The following SORL1 variants were observed in gnomAD, a reference collection of about 807,000 sequenced individuals.
The protein encoded by SORL1 is sortilin related receptor 1, also known as sortilin-related receptor.
In SORL1, 127 loss-of-function variants were observed where a neutral mutation model predicts 273.7. The ratio of observed to expected loss-of-function variants is 0.46; its 90% CI spans 0.40 to 0.54. SORL1 has a LOEUF of 0.54. Among genes scored for constraint, SORL1 ranks in the 20% least tolerant of loss-of-function variants. The pLI, the probability that SORL1 is intolerant of heterozygous loss-of-function variation, is 0.00. For missense variants in SORL1, 2,494 were observed against 2,846.1 expected (o/e 0.88, Z 2.81); for synonymous variants, 1,031 against 1,067.4 (o/e 0.97, Z 0.66).
chr11:121,532,545 G>A lies in SORL1; in HGVS notation c.1678G>A (p.Glu560Lys), dbSNP rs150303243. 206 of 1,613,966 alleles carry A rather than the reference G, an allele frequency of 1.3e-4. No individual in the cohort carries two copies. The highest frequency in any genetic ancestry group is 1.6e-4 in the Non-Finnish European group (194 of 1,179,860). ...TAIAQGMETN[E>K]LKYSTNEGET... ...CATTGCCCAGGGCATGGAAACCAAC[G>A]AGCTAAAGTAAGTGTCTCTGATGAG... The change falls in exon 12 of 48, where the codon GAG (glutamate) becomes AAG (lysine). Residue 560 changes from glutamate to lysine, a missense_variant. By Grantham distance (56) the Glu-to-Lys change is moderately conservative. Transcript: ENST00000260197.
intron 12 of SORL1, among the ~76,000 whole-genome samples, chr11:121,537,801 T>A (rs569994170): frequency 1.3e-5 from 2 of 152,348 alleles, no homozygotes; most frequent in African/African-American, 4.8e-5. Flanking sequence ...AGAGCCCAGA[T>A]TCTCCTCCCT....
At chr11:121,530,911 C>A (rs1862194389) in intron 11 of SORL1, among the ~76,000 whole-genome samples, 2 of 152,036 alleles carry the variant, frequency 1.3e-5, no homozygotes, top group African/African-American at 4.8e-5. Context: ...TTCACTAATT[C>A]CTTTGTCATT....
At position 121,583,438 on chromosome 11, in the gene SORL1, GTCTC is replaced by G. The variant is rs765024380; in HGVS notation, c.3581-16_3581-13del. On this transcript the variant is annotated splice_polypyrimidine_tract_variant and intron_variant, in intron 25 of 47. Coordinates refer to ENST00000260197, the MANE Select transcript of SORL1 (RefSeq NM_003105.6). ...ATGGAGATGAGGGGTGTGCGACTGT[GTCTC>G]TCTTCTCTGTTACAGCCATCTATCA... is the stretch of plus-strand genomic sequence containing the variant. 15 of 1,605,940 alleles carry G rather than the reference GTCTC, an allele frequency of 9.3e-6. No individual in the cohort carries two copies. In the East Asian group the frequency reaches 3.2e-4, roughly 34 times the overall value.
chr11:121,521,894 A>G (rs1862045878), intron 9 of SORL1, among the ~76,000 whole-genome samples: 1 of 152,216 alleles, frequency 6.6e-6, no homozygotes, highest in Admixed American at 6.5e-5. Context: ...GTAACATTGA[A>G]CAAGCTCTTT....
chr11:121,604,971 A>G (rs1863446747), intron 33 of SORL1, 142 bp from the exon 34 acceptor site: 1 of 538,818 alleles, frequency 1.9e-6, no homozygotes, highest in Non-Finnish European at 3.2e-6. Context: ...GGGTTTAGCC[A>G]CATTGCCCAG....
chr11:121,564,524 C>T (rs1412323938), intron 21 of SORL1, among the ~76,000 whole-genome samples: 3 of 151,944 alleles, frequency 2.0e-5, no homozygotes, highest in Admixed American at 2.0e-4. Context: ...AGACATGATC[C>T]CTGTGAAAAA....
rs1285633645 is a variant in SORL1 at position 121,607,166 on chromosome 11, T to G, written c.5062-20T>G. On this transcript the variant is annotated intron_variant, in intron 36 of 47. Transcript: ENST00000260197. The stretch of plus-strand genomic sequence containing the variant: ...GACCTTTGGTTCCCTTTACTCACAT[T>G]TTTTTTCTTCTCCCTTTAGGTAGAA... 2.7e-6 allele frequency: 4 copies of G among 1,483,712 alleles called. No homozygotes were observed. The highest frequency in any genetic ancestry group is 2.8e-6 in the Non-Finnish European group (3 of 1,061,270). The allele number at this position is 1,483,712 out of a possible 1,614,324, so 91.9% of individuals were successfully genotyped here. A position where few individuals can be genotyped will look rare whatever the true frequency, so the allele number is the denominator to read the frequency against.
intron 11 of SORL1, among the ~76,000 whole-genome samples, chr11:121,528,782 A>G (rs990079589): frequency 2.0e-5 from 3 of 152,240 alleles, no homozygotes; most frequent in South Asian, 2.1e-4. Flanking sequence ...TTTGAGATCC[A>G]GCCTGTGGTC....
chr11:121,522,638 A>G lies in SORL1; in HGVS notation c.1457A>G (p.Asn486Ser), dbSNP rs769355257. 11 of 1,613,904 alleles carry G rather than the reference A, an allele frequency of 6.8e-6. No individual in the cohort carries two copies. The highest frequency in any genetic ancestry group is 4.0e-5 in the African/African-American group (3 of 74,846). Residue 486 changes from asparagine (N) to serine (S), a missense_variant, in exon 10 of 48, where the codon AAC (asparagine) becomes AGC (serine). Asn to Ser is a conservative substitution (Grantham distance 46, BLOSUM62 1). Transcript: ENST00000260197. ...GCTCAGCGCCTCAGTCAGCTCCTCA[A>G]CCTCCAGCTCCGGAGAATGCCCATC... ...HLAQRLSQLL[N>S]LQLRRMPILS...
intron 38 of SORL1, chr11:121,609,480 C>T (rs1419838954): frequency 6.6e-6 from 1 of 152,176 alleles, no homozygotes; most frequent in African/African-American, 2.4e-5. Context: ...ATACATGTAC[C>T]TTGAATTCCG....
chr11:121,574,300 C>A lies in SORL1; in HGVS notation c.3397C>A (p.Pro1133Thr). 6.2e-7 allele frequency: 1 copy of A among 1,613,544 alleles called. No individual in the cohort carries two copies. The highest frequency in any genetic ancestry group is 8.5e-7 in the Non-Finnish European group (1 of 1,179,532). The change falls in exon 24 of 48, where the codon CCA (proline) becomes ACA (threonine). Residue 1133 changes from proline to threonine, a missense_variant. Transcript: ENST00000260197. The stretch of plus-strand genomic sequence containing the variant: ...TTGCCAGGAGTCTGGGACTTGTATC[C>A]CACTGTCCTATAAATGTGACCTTGA... Reference protein sequence around the residue: ...FRCQESGTCIPLSYKCDLEDD... With the variant: ...FRCQESGTCITLSYKCDLEDD...
intron 43 of SORL1, 40 bp from the exon 44 acceptor site, chr11:121,621,024 A>G (rs910498087): frequency 1.4e-6 from 2 of 1,464,980 alleles, no homozygotes; most frequent in African/African-American, 2.8e-5. Flanking sequence ...AAAAATGTCA[A>G]CTTTCTGATT....
Position 121,627,468 on chromosome 11 carries a change from T to G in SORL1, c.6365-87T>G. 1 of 1,114,944 alleles carries G rather than the reference T, an allele frequency of 9.0e-7. No homozygotes were observed. The highest frequency in any genetic ancestry group is 1.3e-6 in the Non-Finnish European group (1 of 741,172). The allele number at this position is 1,114,944 out of a possible 1,614,324, so 69.1% of individuals were successfully genotyped here. A position where few individuals can be genotyped will look rare whatever the true frequency, so the allele number is the denominator to read the frequency against. Reference sequence around the variant, plus strand: ...GTGTAGCTGTGGCTATCGCCCAGCTTTTTTTGGTGGGTGGGGCCTTGAGGA... The same window carrying G: ...GTGTAGCTGTGGCTATCGCCCAGCTGTTTTTGGTGGGTGGGGCCTTGAGGA... On this transcript the variant is annotated intron_variant, in intron 46 of 47. Transcript: ENST00000260197. This position sits in a 1 kb window ranked among gnomAD's most constrained non-coding sequence, Gnocchi z 4.9.
In SORL1 at chr11:121,558,805, C is replaced by T. The variant is rs770704659; in HGVS notation, c.2878C>T (p.Leu960Phe). 2 of 1,614,166 alleles carry T rather than the reference C, an allele frequency of 1.2e-6. No individual in the cohort carries two copies. The highest frequency in any genetic ancestry group is 1.1e-5 in the South Asian group (1 of 91,084). Residue 960 changes from leucine (L) to phenylalanine (F), a missense_variant, in exon 20 of 48, where the codon CTC (leucine) becomes TTC (phenylalanine). Around this residue, in one of 3 missense-constraint regions of SORL1, gnomAD observed 1,609 missense variants for 1,816.4 expected, o/e 0.89. Coordinates refer to ENST00000260197, the MANE Select transcript of SORL1 (RefSeq NM_003105.6). The part of the protein sequence containing the change: ...GQQRSVILDN[L>F]PHPYAIAVFK... ...GCAGCGCTCTGTCATTCTGGACAAC[C>T]TCCCGCACCCCTATGCCATTGCTGT...
At chr11:121,589,215 G>T in intron 28 of SORL1, 44 bp from the exon 29 acceptor site, 1 of 1,608,874 alleles carries the variant, frequency 6.2e-7, no homozygotes, top group Non-Finnish European at 8.5e-7. Flanking sequence ...CGACCCCTCA[G>T]CATGGAAGTT....
chr11:121,612,416 T>G (rs891459370), intron 39 of SORL1: 1 of 222,226 alleles, frequency 4.5e-6, no homozygotes, highest in Non-Finnish European at 9.1e-6. Flanking sequence ...CATGGCCTAA[T>G]TATCTTTCCA....
At chr11:121,487,610 C>T (rs1440790470) in intron 3 of SORL1, among the ~76,000 whole-genome samples, 1 of 152,210 alleles carries the variant, frequency 6.6e-6, no homozygotes, top group African/African-American at 2.4e-5. Flanking sequence ...TGCAGGGAGA[C>T]TCAACCATCC....
At chr11:121,585,770 T>G (rs1479595834) in intron 26 of SORL1, among the ~76,000 whole-genome samples, 2 of 152,232 alleles carry the variant, frequency 1.3e-5, no homozygotes, top group Non-Finnish European at 2.9e-5. Flanking sequence ...CACCTTGTTT[T>G]TTTCACAGAA....
At chr11:121,602,955 G>T (rs1198788212) in intron 32 of SORL1, among the ~76,000 whole-genome samples, 1 of 152,160 alleles carries the variant, frequency 6.6e-6, no homozygotes, top group Admixed American at 6.5e-5. Context: ...GCCTCCTTTT[G>T]TCTGTTATAA....
Sources: gnomAD v4.1 joint callset for allele counts (sites outside exome capture counted in the v4.1 genomes callset) on GRCh38, gnomAD v4.1.1 for gene constraint, gnomAD v4.1.1 regional missense constraint, Gnocchi (gnomAD v3.1) non-coding constraint, MANE v1.5 for transcripts, NCBI Gene and HGNC (gene_info 2026-07-23, HGNC 2026-07-21) for gene names.